PARPBP: variants seen among roughly 807,000 people sequenced by gnomAD.
PARPBP encodes the protein PARP1 binding protein.
PARPBP carries 52 observed loss-of-function variants against 50.0 expected under a neutral mutation model. That is an observed-to-expected ratio of 1.04 (90% CI 0.83 to 1.31). PARPBP has a LOEUF of 1.31. Ranked by LOEUF, PARPBP falls within the 50% of genes most tolerant of loss-of-function variation. The pLI is 0.00. For synonymous variants in PARPBP, 244 were observed against 232.1 expected, an observed-to-expected ratio of 1.05 and a Z score of -0.47; for missense variants, 697 against 672.0, an observed-to-expected ratio of 1.04 and a Z score of -0.41.
intron 2 of PARPBP, among the ~76,000 whole-genome samples, chr12:102,128,868 A>T (rs889670066): frequency 5.3e-5 from 8 of 152,126 alleles, no homozygotes; most frequent in African/African-American, 1.7e-4. Context: ...ATCATATGGT[A>T]GTTTTATTTT....
chr12:102,142,777 G>C (rs2138258830), intron 2 of PARPBP, among the ~76,000 whole-genome samples: 1 of 152,294 alleles, frequency 6.6e-6, no homozygotes, highest in Non-Finnish European at 1.5e-5. Context: ...TGTTTGCCTG[G>C]GTATCACCAG....
intron 3 of PARPBP, among the ~76,000 whole-genome samples, chr12:102,153,520 T>G (rs529758427): frequency 6.6e-6 from 1 of 152,294 alleles, no homozygotes; most frequent in Non-Finnish European, 1.5e-5. Flanking sequence ...TTTTGCATCT[T>G]TCGCAGAGAC....
intron 4 of PARPBP, among the ~76,000 whole-genome samples, chr12:102,159,790 A>G (rs966784065): frequency 6.6e-6 from 1 of 152,196 alleles, no homozygotes; most frequent in African/African-American, 2.4e-5. Flanking sequence ...AAGTTAAAAA[A>G]AGACCCTGTA....
At chr12:102,136,016 C>T (rs1294031885) in intron 2 of PARPBP, among the ~76,000 whole-genome samples, 4 of 151,756 alleles carry the variant, frequency 2.6e-5, no homozygotes. Flanking sequence ...TGTCCCTGTA[C>T]TGTTTCCACA....
At chr12:102,130,094 C>T (rs987433493) in intron 2 of PARPBP, among the ~76,000 whole-genome samples, 2 of 152,134 alleles carry the variant, frequency 1.3e-5, no homozygotes, top group Non-Finnish European at 2.9e-5. Context: ...GACCACACAC[C>T]AACAACCATC....
intron 4 of PARPBP, among the ~76,000 whole-genome samples, chr12:102,154,284 T>C (rs1330643661): frequency 6.6e-6 from 1 of 152,246 alleles, no homozygotes; most frequent in Non-Finnish European, 1.5e-5. Context: ...TCACATTTAC[T>C]CTTTTAGATG....
chr12:102,174,777 C>T (rs1889093726), intron 6 of PARPBP, among the ~76,000 whole-genome samples: 1 of 152,158 alleles, frequency 6.6e-6, no homozygotes, highest in Admixed American at 6.5e-5. Context: ...AAGCTGCAAC[C>T]CAAACTCTTA....
At chr12:102,140,340 C>T (rs1023262154) in intron 2 of PARPBP, among the ~76,000 whole-genome samples, 3 of 152,062 alleles carry the variant, frequency 2.0e-5, no homozygotes, top group African/African-American at 2.4e-5. Flanking sequence ...TCCCCTTTAT[C>T]GTTTTTTATT....
At chr12:102,188,341 C>T (rs572143513) in intron 9 of PARPBP, among the ~76,000 whole-genome samples, 2 of 151,756 alleles carry the variant, frequency 1.3e-5, no homozygotes, top group East Asian at 1.9e-4. Flanking sequence ...TGTGAAAACC[C>T]CTGAAAAACA....
At chr12:102,154,828 C>A (rs576803147) in intron 4 of PARPBP, 10 of 454,766 alleles carry the variant, frequency 2.2e-5, no homozygotes, top group South Asian at 1.1e-4. Flanking sequence ...CCCTTCCAGG[C>A]CCTCCCAGTC....
intron 4 of PARPBP, among the ~76,000 whole-genome samples, chr12:102,161,857 T>C (rs1460679695): frequency 6.6e-6 from 1 of 152,226 alleles, no homozygotes; most frequent in African/African-American, 2.4e-5. Flanking sequence ...ATGTCTACTT[T>C]AGACTGGGGA....
At chr12:102,173,828 C>G (rs953089977) in intron 6 of PARPBP, among the ~76,000 whole-genome samples, 2 of 149,734 alleles carry the variant, frequency 1.3e-5, no homozygotes, top group African/African-American at 4.9e-5. Context: ...CTTACCATGC[C>G]AGCTCTGGTT....
chr12:102,191,826 T>G (rs371136576), intron 9 of PARPBP, among the ~76,000 whole-genome samples: 5 of 152,158 alleles, frequency 3.3e-5, no homozygotes, highest in African/African-American at 1.2e-4. Context: ...TCATGTGACT[T>G]GAACATGAAA....
intron 2 of PARPBP, among the ~76,000 whole-genome samples, chr12:102,145,681 A>G (rs1054655245): frequency 6.6e-6 from 1 of 152,198 alleles, no homozygotes; most frequent in Admixed American, 6.5e-5. Flanking sequence ...CCAGGTTATA[A>G]TCTGTTTTAT....
chr12:102,170,880 A>G (rs542553681), intron 6 of PARPBP, among the ~76,000 whole-genome samples: 3 of 135,906 alleles, frequency 2.2e-5, no homozygotes, highest in Non-Finnish European at 4.9e-5. Context: ...TCCTTATTCT[A>G]TATGCTTTTC....
chr12:102,197,282 G>T lies in PARPBP; in HGVS notation c.*991G>T. The stretch of plus-strand genomic sequence containing the variant: ...TTCAAAGTTACTCTGCACTGTTTTT[G>T]ACTTTTTAAAAATACCTTAGATGCA... On this transcript the variant is annotated 3_prime_UTR_variant, in exon 11 of 11. Transcript: ENST00000327680. 1 of 995,856 alleles carries T rather than the reference G, an allele frequency of 1.0e-6. No homozygotes were observed. The highest frequency in any genetic ancestry group is 1.5e-6 in the Non-Finnish European group (1 of 686,120). 61.7% of individuals were successfully genotyped at this position (995,856 alleles called of 1,614,324 possible).
At chr12:102,175,861 TG>T (rs1199040976) in intron 7 of PARPBP, among the ~76,000 whole-genome samples, 195 bp downstream of exon 7, 1 of 152,230 alleles carries the variant, frequency 6.6e-6, no homozygotes, top group African/African-American at 2.4e-5. Context: ...ATCACATATT[TG>T]GGCCAAATTT....
chr12:102,157,703 A>G (rs1444086126), intron 4 of PARPBP, among the ~76,000 whole-genome samples: 2 of 152,198 alleles, frequency 1.3e-5, no homozygotes, highest in Non-Finnish European at 2.9e-5. Context: ...GCTGTCAGCA[A>G]AGATCTGTGA....
chr12:102,186,648 C>T (rs1435704743), intron 9 of PARPBP, among the ~76,000 whole-genome samples: 1 of 151,898 alleles, frequency 6.6e-6, no homozygotes, highest in Admixed American at 6.6e-5. Flanking sequence ...TCCTTAAATC[C>T]CTGTGAATTA....
Sources: allele counts gnomAD v4.1 joint callset (sites outside exome capture counted in the v4.1 genomes callset), GRCh38; gene constraint gnomAD v4.1.1; transcripts MANE v1.5; gene names NCBI Gene and HGNC (gene_info 2026-07-23, HGNC 2026-07-21).